The following LINGO2 variants were observed in gnomAD, a reference collection of about 807,000 sequenced individuals.
The protein encoded by LINGO2 is leucine-rich repeat and immunoglobulin-like domain-containing nogo receptor-interacting protein 2.
Under a neutral mutation model 30.6 loss-of-function variants are expected in LINGO2, and 14 were observed. That is an observed-to-expected ratio of 0.46 (90% CI 0.30 to 0.72). LINGO2 has a LOEUF of 0.72. Among genes scored for constraint, LINGO2 ranks in the 30% least tolerant of loss-of-function variants. The probability of loss-of-function intolerance (pLI) is 0.07; values close to 1 mark genes in which losing one functional copy is unlikely to be tolerated. For missense variants in LINGO2, 729 were observed against 751.7 expected (o/e 0.97, Z 0.35); for synonymous variants, 317 against 288.5 (o/e 1.10, Z -1.00).
At chr9:28,557,217 A>G (rs996339985) in intron 1 of LINGO2, among the ~76,000 whole-genome samples, 2 of 152,010 alleles carry the variant, frequency 1.3e-5, no homozygotes, top group Admixed American at 6.6e-5. Flanking sequence ...GCAACCTACA[A>G]AATGGGAGAA....
intron 3 of LINGO2, among the ~76,000 whole-genome samples, chr9:28,309,253 T>TA (rs1161718128): frequency 6.6e-6 from 1 of 152,074 alleles, no homozygotes; most frequent in South Asian, 2.1e-4. Context: ...TACGCAGCCA[T>TA]AAAAAATGAT....
the LINGO2 span, among the ~76,000 whole-genome samples, chr9:28,876,303 G>A: frequency 6.6e-6 from 1 of 151,936 alleles, no homozygotes; most frequent in East Asian, 1.9e-4. Flanking sequence ...ACAATGTGCA[G>A]GTTAGTTACA....
chr9:28,832,007 C>T, the LINGO2 span, among the ~76,000 whole-genome samples: 1,304 of 152,182 alleles, frequency 8.6e-3, 9 homozygotes, highest in African/African-American at 0.016. Flanking sequence ...AGGTCTTTTA[C>T]GACATATTTT....
intron 1 of LINGO2, among the ~76,000 whole-genome samples, chr9:28,547,813 G>A (rs1195537285): frequency 6.6e-6 from 1 of 152,104 alleles, no homozygotes; most frequent in Non-Finnish European, 1.5e-5. Flanking sequence ...AGAGTGAATG[G>A]TGAATACAAA....
intron 2 of LINGO2, among the ~76,000 whole-genome samples, chr9:28,385,997 A>C (rs1821564540): frequency 1.3e-5 from 2 of 152,186 alleles, no homozygotes; most frequent in South Asian, 4.1e-4. Flanking sequence ...AGCAGCAGAT[A>C]ATTGCCTTTG....
chr9:28,675,690 G>T, the LINGO2 span, among the ~76,000 whole-genome samples: 5 of 151,682 alleles, frequency 3.3e-5, no homozygotes, highest in South Asian at 1.0e-3. Context: ...GGACAACATG[G>T]TGAAACCCTG....
chr9:29,097,198 G>A, the LINGO2 span, among the ~76,000 whole-genome samples: 1 of 137,976 alleles, frequency 7.2e-6, no homozygotes, highest in Non-Finnish European at 1.6e-5. Context: ...ACTTTAGAGA[G>A]GATTTTGTAA....
chr9:28,442,503 G>C (rs1824238958), intron 2 of LINGO2, among the ~76,000 whole-genome samples: 1 of 152,002 alleles, frequency 6.6e-6, no homozygotes, highest in African/African-American at 2.4e-5. Flanking sequence ...ATGTACTAAT[G>C]TGCTGTATTT....
intron 1 of LINGO2, among the ~76,000 whole-genome samples, chr9:28,543,013 T>G (rs1821770352): frequency 6.6e-6 from 1 of 152,086 alleles, no homozygotes; most frequent in South Asian, 2.1e-4. Flanking sequence ...CAGGCTTCAG[T>G]GACAAATATG....
chr9:28,033,369 A>G (rs555584372), intron 4 of LINGO2, among the ~76,000 whole-genome samples: 2 of 152,192 alleles, frequency 1.3e-5, no homozygotes, highest in East Asian at 3.9e-4. Context: ...TGGCAATGCT[A>G]GGGAGGGGGA....
chr9:28,517,156 C>A (rs1820649874), intron 1 of LINGO2, among the ~76,000 whole-genome samples: 1 of 152,156 alleles, frequency 6.6e-6, no homozygotes, highest in Admixed American at 6.5e-5. Context: ...TTCACTTAAC[C>A]AGACAGAAAG....
chr9:29,144,018 A>G, the LINGO2 span, among the ~76,000 whole-genome samples: 14 of 152,126 alleles, frequency 9.2e-5, no homozygotes, highest in Admixed American at 3.3e-4. Flanking sequence ...CCATTTATTA[A>G]ATAGAGAATC....
At chr9:28,306,953 A>T (rs1192032897) in intron 3 of LINGO2, among the ~76,000 whole-genome samples, 2 of 152,132 alleles carry the variant, frequency 1.3e-5, no homozygotes, top group Admixed American at 6.6e-5. Flanking sequence ...TACCAACCAA[A>T]AAGAGTCCAG....
intron 1 of LINGO2, among the ~76,000 whole-genome samples, chr9:28,488,823 T>G (rs974171166): frequency 6.6e-6 from 1 of 151,984 alleles, no homozygotes; most frequent in Non-Finnish European, 1.5e-5. Flanking sequence ...AGTTCAAAGT[T>G]AAATTGTAAT....
the LINGO2 span, among the ~76,000 whole-genome samples, chr9:28,861,766 C>CA: frequency 1.3e-5 from 2 of 151,210 alleles, no homozygotes; most frequent in East Asian, 3.9e-4. Flanking sequence ...TGTCTCTTAC[C>CA]AAAAAACACA....
chr9:28,185,926 C>T (rs950762524), intron 4 of LINGO2, among the ~76,000 whole-genome samples: 1 of 152,044 alleles, frequency 6.6e-6, no homozygotes, highest in Non-Finnish European at 1.5e-5. Context: ...AAGGCTTCTG[C>T]TTTTAGGAAG....
the LINGO2 span, among the ~76,000 whole-genome samples, chr9:28,766,674 C>T: frequency 3.3e-5 from 5 of 151,842 alleles, no homozygotes; most frequent in Non-Finnish European, 7.4e-5. Flanking sequence ...AAATTACCTA[C>T]ATGTTTGTCC....
At chr9:28,446,341 T>C (rs185193718) in intron 2 of LINGO2, among the ~76,000 whole-genome samples, 1 of 152,342 alleles carries the variant, frequency 6.6e-6, no homozygotes, top group African/African-American at 2.4e-5. Context: ...CAGTTTATAA[T>C]ATAAAATTTC....
chr9:29,196,788 A>T, the LINGO2 span, among the ~76,000 whole-genome samples: 1 of 152,100 alleles, frequency 6.6e-6, no homozygotes, highest in Non-Finnish European at 1.5e-5. Flanking sequence ...CAGAAAATAA[A>T]TGCTTGGTAT....
Sources: allele counts gnomAD v4.1 joint callset (sites outside exome capture counted in the v4.1 genomes callset), GRCh38; gene constraint gnomAD v4.1.1; transcripts MANE v1.5; gene names NCBI Gene and HGNC (gene_info 2026-07-23, HGNC 2026-07-21).